The following ZFP2 variants were observed in gnomAD, a reference collection of about 807,000 sequenced individuals.
ZFP2 encodes zinc finger protein ZFP2.
ZFP2 carries 33 observed loss-of-function variants against 36.1 expected under a neutral mutation model. The ratio of observed to expected loss-of-function variants is 0.92; its 90% confidence interval spans 0.69 to 1.22. The LOEUF is 1.22. Among genes scored for constraint, ZFP2 ranks in the 50% most tolerant of loss-of-function variants. The pLI is 0.00. For missense variants in ZFP2, 522 were observed against 551.4 expected, an observed-to-expected ratio of 0.95 and a Z score of 0.53; for synonymous variants, 170 against 178.0, an observed-to-expected ratio of 0.96 and a Z score of 0.36.
In ZFP2 at chr5:178,918,662, G is replaced by A. The variant is rs545994675; in HGVS notation, c.-78+1952G>A. Among the ~76,000 whole-genome samples, 5 of 152,298 alleles carry A rather than the reference G, an allele frequency of 3.3e-5. No homozygotes were observed. The East Asian group carries it at 9.6e-4, about 29-fold the overall frequency. ...AAAAGCATTCCAAGCCGTTAAGGGA[G>A]TATTGAGTATTTCCAGTATTATTAC... On this transcript the variant is annotated intron_variant, in intron 4 of 4. Coordinates refer to ENST00000361362, the MANE Select transcript of ZFP2 (RefSeq NM_030613.4).
chr5:178,920,260 T>C (rs1050858292), intron 4 of ZFP2, among the ~76,000 whole-genome samples: 23 of 152,196 alleles, frequency 1.5e-4, no homozygotes, highest in Admixed American at 5.2e-4. Flanking sequence ...TCAAGTTAAT[T>C]CTTTCCTTTT....
chr5:178,916,319 A>C (rs1758430454), intron 3 of ZFP2, among the ~76,000 whole-genome samples: 1 of 152,346 alleles, frequency 6.6e-6, no homozygotes, highest in Admixed American at 6.5e-5. Context: ...AGAGGAAGCA[A>C]GCAAGTGAAG....
At chr5:178,917,052 A>T (rs1046729048) in intron 4 of ZFP2, among the ~76,000 whole-genome samples, 1 of 152,218 alleles carries the variant, frequency 6.6e-6, no homozygotes, top group Non-Finnish European at 1.5e-5. Context: ...CAGTATTTTC[A>T]TTGTAAACTG....
At chr5:178,923,748 CT>C (rs75564560) in intron 4 of ZFP2, among the ~76,000 whole-genome samples, 7,270 of 139,920 alleles carry the variant, frequency 0.052, 764 homozygotes, top group Non-Finnish European at 0.083. Context: ...TGTAGGTAAT[CT>C]TTTTTTTTTT....
intron 1 of ZFP2, among the ~76,000 whole-genome samples, chr5:178,905,371 A>AT (rs1317528655): frequency 2.0e-5 from 3 of 152,126 alleles, no homozygotes; most frequent in Admixed American, 6.6e-5. Context: ...TATGATTGTG[A>AT]TTTTGTAAAG....
intron 1 of ZFP2, among the ~76,000 whole-genome samples, chr5:178,912,229 G>A (rs1758313605): frequency 6.6e-6 from 1 of 152,244 alleles, no homozygotes; most frequent in Non-Finnish European, 1.5e-5. Context: ...CATCTGTTGA[G>A]TGTCAAGTGT....
At chr5:178,929,460 G>C (rs1758772284) in intron 4 of ZFP2, among the ~76,000 whole-genome samples, 1 of 152,178 alleles carries the variant, frequency 6.6e-6, no homozygotes. Context: ...TCGTCCACCA[G>C]ATGCCCTCAA....
At chr5:178,897,028 G>C (rs972855905) in intron 1 of ZFP2, among the ~76,000 whole-genome samples, 1 of 135,966 alleles carries the variant, frequency 7.4e-6, no homozygotes, top group Non-Finnish European at 1.6e-5. Context: ...TTTTGTGTTA[G>C]GGTTTTCTTT....
Position 178,932,596 on chromosome 5 carries a change from A to ATCAGAGAAC in ZFP2, c.1287_1295dup (p.Gln429_Thr431dup), listed in dbSNP as rs747738503. ...ATTAAGAATTCATCCCTTACAGTGC[A>ATCAGAGAAC]TCAGAGAACTCATACAGGAGAGAAA... On this transcript the variant is annotated inframe_insertion, in exon 5 of 5. Coordinates refer to ENST00000361362, the MANE Select transcript of ZFP2 (RefSeq NM_030613.4). The ATCAGAGAAC allele has an allele frequency of 2.5e-6, 4 of 1,614,200 alleles. No individual in the cohort carries two copies. The South Asian group carries it at 4.4e-5, about 18-fold the overall frequency.
rs115021979 is a variant in ZFP2, at chr5:178,924,946, C to G, written c.-77-6291C>G. Among the ~76,000 whole-genome samples the G allele has an allele frequency of 4.8e-3, 710 of 148,216 alleles. 28 individuals are homozygous for G. The highest frequency in any genetic ancestry group is 0.016 in the African/African-American group (662 of 41,024). On this transcript the variant is annotated intron_variant, in intron 4 of 4. Coordinates refer to ENST00000361362, the MANE Select transcript of ZFP2 (RefSeq NM_030613.4). ...TGCCATGGAAATGCTTTGTGTGCATCTCCTCATTCACATCCTCTTACCTCT... is the reference window on the plus strand; with the variant it reads ...TGCCATGGAAATGCTTTGTGTGCATGTCCTCATTCACATCCTCTTACCTCT...
At chr5:178,899,553 C>A (rs17652441) in intron 1 of ZFP2, among the ~76,000 whole-genome samples, 26,571 of 151,616 alleles carry the variant, frequency 0.18, 2,911 homozygotes, top group Non-Finnish European at 0.23. Context: ...AATTTTAGGA[C>A]CAAGTGTCGG....
chr5:178,896,589 G>C (rs1339732168), intron 1 of ZFP2, among the ~76,000 whole-genome samples: 3 of 152,168 alleles, frequency 2.0e-5, no homozygotes, highest in African/African-American at 7.2e-5. Flanking sequence ...CCTGGTGCAG[G>C]TTTCGACCTC....
intron 4 of ZFP2, among the ~76,000 whole-genome samples, chr5:178,921,260 A>G (rs1581839167): frequency 6.6e-6 from 1 of 152,168 alleles, no homozygotes; most frequent in East Asian, 1.9e-4. Flanking sequence ...TCCCCTGTCT[A>G]TGTCCGCAGT....
At position 178,897,342 on chromosome 5, in the gene ZFP2, A is replaced by C. The variant is rs1251460526; in HGVS notation, c.-450+1368A>C. Among the ~76,000 whole-genome samples, 4 of 152,178 alleles carry C rather than the reference A, an allele frequency of 2.6e-5. No individual in the cohort carries two copies. The East Asian group carries it at 7.7e-4, about 29-fold the overall frequency. Reference sequence around the variant, plus strand: ...TGAACACTAATGAATATTTTCACGCAGTTTGCATTTTGTATTTTAATTTTG... The same window carrying C: ...TGAACACTAATGAATATTTTCACGCCGTTTGCATTTTGTATTTTAATTTTG... On this transcript the variant is annotated intron_variant, in intron 1 of 4. Transcript: ENST00000361362.
At position 178,932,689 on chromosome 5, in the gene ZFP2, C is replaced by T. The variant is rs1443067463; in HGVS notation, c.1376C>T (p.Thr459Ile). ...ACAAACCTTACACGACATCAAAGAA[C>T]TCATACGTGAGGAATGTTTTCACTG... ...RSTNLTRHQR[T>I]HT is the part of the protein sequence containing the mutation. Residue 459 changes from threonine (T) to isoleucine (I), a missense_variant, in exon 5 of 5, where the codon ACT (threonine) becomes ATT (isoleucine). Physicochemically the swap from Thr to Ile is moderately conservative, Grantham distance 89. Transcript: ENST00000361362. 6.3e-7 allele frequency: 1 copy of T among 1,593,190 alleles called. No homozygotes were observed. The highest frequency in any genetic ancestry group is 1.1e-5 in the South Asian group (1 of 87,538).
chr5:178,917,341 G>A (rs1399676145), intron 4 of ZFP2, among the ~76,000 whole-genome samples: 4 of 152,140 alleles, frequency 2.6e-5, no homozygotes, highest in Non-Finnish European at 5.9e-5. Context: ...GTGGCCGGGC[G>A]TCGTGGCTCA....
intron 1 of ZFP2, among the ~76,000 whole-genome samples, chr5:178,906,169 A>G (rs1230435358): frequency 2.0e-5 from 3 of 152,240 alleles, no homozygotes; most frequent in Non-Finnish European, 2.9e-5. Flanking sequence ...CATGCTGAGC[A>G]CAGAGCCAGG....
chr5:178,909,595 A>T, intron 1 of ZFP2: 1 of 1,023,554 alleles, frequency 9.8e-7, no homozygotes, highest in Admixed American at 3.6e-5. Flanking sequence ...ACCCCAACAA[A>T]GGTGTGAAGT....
chr5:178,925,716 T>A (rs1329826581), intron 4 of ZFP2, among the ~76,000 whole-genome samples: 1 of 149,650 alleles, frequency 6.7e-6, no homozygotes, highest in East Asian at 1.9e-4. Context: ...CTTATTCAAG[T>A]CTTTTGCCCA....
Sources: gnomAD v4.1 joint callset for allele counts (sites outside exome capture counted in the v4.1 genomes callset) on GRCh38, gnomAD v4.1.1 for gene constraint, MANE v1.5 for transcripts, NCBI Gene and HGNC (gene_info 2026-07-23, HGNC 2026-07-21) for gene names.